RTF1: variants seen among roughly 807,000 people sequenced by gnomAD.
RTF1 encodes the protein RTF1 homolog, Paf1/RNA polymerase II complex component.
In RTF1, 10 loss-of-function variants were observed where a neutral mutation model predicts 95.7. The observed-to-expected ratio is 0.10, with a 90% confidence interval of 0.06 to 0.18. The LOEUF is 0.18. Ranked by LOEUF, RTF1 falls within the 10% of genes least tolerant of loss-of-function variation. The probability of loss-of-function intolerance (pLI) is 1.00; values close to 1 mark genes in which losing one functional copy is unlikely to be tolerated. For synonymous variants in RTF1, 305 were observed against 311.8 expected (o/e 0.98, Z 0.23); for missense variants, 458 against 875.6 (o/e 0.52, Z 6.02).
chr15:41,464,948 G>GTC, intron 5 of RTF1, 63 bp downstream of exon 5: 2 of 1,459,342 alleles, frequency 1.4e-6, no homozygotes, highest in South Asian at 2.9e-5. Context: ...GTGTGTGTGT[G>GTC]TGTGTGTGTG....
At chr15:41,460,698 A>AT (rs1293444600) in intron 4 of RTF1, among the ~76,000 whole-genome samples, 337 of 143,588 alleles carry the variant, frequency 2.3e-3, no homozygotes, top group African/African-American at 5.8e-3. Flanking sequence ...TTAAAAAAAA[A>AT]TTTTTTTTTT....
chr15:41,432,595 G>A (rs1266809150), intron 1 of RTF1, among the ~76,000 whole-genome samples: 1 of 151,870 alleles, frequency 6.6e-6, no homozygotes, highest in African/African-American at 2.4e-5. Context: ...GTCTACTATG[G>A]TTTGATTGAT....
intron 1 of RTF1, among the ~76,000 whole-genome samples, chr15:41,421,108 G>T (rs2056935281): frequency 6.6e-6 from 1 of 151,862 alleles, no homozygotes; most frequent in Non-Finnish European, 1.5e-5. Flanking sequence ...GAACACTTGA[G>T]CCCAGGTGTT....
intron 2 of RTF1, among the ~76,000 whole-genome samples, chr15:41,444,935 T>C (rs1308630161): frequency 6.6e-6 from 1 of 152,014 alleles, no homozygotes; most frequent in Non-Finnish European, 1.5e-5. Flanking sequence ...ATTTTATTTA[T>C]TTATTTATTT....
intron 6 of RTF1, among the ~76,000 whole-genome samples, chr15:41,467,437 G>A (rs1405554634): frequency 6.6e-6 from 1 of 152,098 alleles, no homozygotes; most frequent in East Asian, 1.9e-4. Flanking sequence ...TGTGGGGGCC[G>A]GTCGTGGTGC....
chr15:41,433,075 G>A (rs1025371327), intron 1 of RTF1, among the ~76,000 whole-genome samples: 2 of 151,566 alleles, frequency 1.3e-5, no homozygotes, highest in Non-Finnish European at 2.9e-5. Context: ...GTGAAAACCT[G>A]TCTCTACTAA....
rs576658268 is a variant in RTF1 at position 41,457,299 on chromosome 15, C to CG, written c.458-372dup. 2.5e-3 allele frequency among the ~76,000 whole-genome samples: 384 copies of CG among 152,176 alleles called. 2 individuals carry two copies. Among genetic ancestry groups the CG allele is most frequent in the South Asian group, 6.2e-3 (30 of 4,818 alleles). On this transcript the variant is annotated intron_variant, in intron 3 of 17. Transcript: ENST00000389629. Reference sequence around the variant, plus strand: ...GCCTGTAATCCCAGCACTGGGAGGCCGAGGTGGGCAGATCACCTGAGGTCA... The same window carrying CG: ...GCCTGTAATCCCAGCACTGGGAGGCCGGAGGTGGGCAGATCACCTGAGGTCA...
chr15:41,452,226 AG>A (rs539132648), intron 2 of RTF1, among the ~76,000 whole-genome samples: 16 of 152,256 alleles, frequency 1.1e-4, no homozygotes, highest in East Asian at 7.7e-4. Flanking sequence ...GCTTGAGCTC[AG>A]GAGTTTAAGA....
At chr15:41,443,917 A>C (rs1313702143) in intron 2 of RTF1, among the ~76,000 whole-genome samples, 1 of 151,460 alleles carries the variant, frequency 6.6e-6, no homozygotes, top group Non-Finnish European at 1.5e-5. Flanking sequence ...AATACAAAAA[A>C]ATTAGCCGGG....
At position 41,470,364 on chromosome 15, in the gene RTF1, C is replaced by A; in HGVS notation, c.997C>A (p.Arg333=). ...KSSEKSDRSS[R]TSSSDEEEEK... Reference sequence around the variant, plus strand: ...CAGTGAAAAGTCAGACCGCTCATCACGAACATCATCGTCTGATGAAGAAGA... The same window carrying A: ...CAGTGAAAAGTCAGACCGCTCATCAAGAACATCATCGTCTGATGAAGAAGA... Residue 333 remains arginine (R), a synonymous_variant, in exon 7 of 18, where the codon CGA becomes AGA. Coordinates refer to ENST00000389629, the MANE Select transcript of RTF1 (RefSeq NM_015138.5). 1 of 1,613,844 alleles carries A rather than the reference C, an allele frequency of 6.2e-7. No individual in the cohort carries two copies. The highest frequency in any genetic ancestry group is 8.5e-7 in the Non-Finnish European group (1 of 1,179,886).
At chr15:41,478,124 G>A (rs906628777) in intron 14 of RTF1, among the ~76,000 whole-genome samples, 4 of 151,394 alleles carry the variant, frequency 2.6e-5, no homozygotes, top group Admixed American at 6.6e-5. Context: ...AAATTAGCCG[G>A]GCATGGTGGC....
intron 14 of RTF1, 72 bp downstream of exon 14, chr15:41,477,587 CTAAGTT>C: frequency 7.1e-7 from 1 of 1,413,990 alleles, no homozygotes; most frequent in Non-Finnish European, 1.0e-6. Flanking sequence ...TACATCTTGC[CTAAGTT>C]TATTTTTTAA....
chr15:41,478,712 A>G, intron 15 of RTF1, 87 bp downstream of exon 15: 1 of 1,175,104 alleles, frequency 8.5e-7, no homozygotes, highest in Non-Finnish European at 1.3e-6. Flanking sequence ...ATGAAGTTAA[A>G]AATAATGTTT....
chr15:41,446,890 C>A (rs1276911353), intron 2 of RTF1, among the ~76,000 whole-genome samples: 1 of 151,838 alleles, frequency 6.6e-6, no homozygotes, highest in Non-Finnish European at 1.5e-5. Flanking sequence ...GCAACCTCCA[C>A]CTCCCAGGTT....
rs144538603 is a variant in RTF1, at chr15:41,471,274, C to T, written c.1128C>T (p.Pro376=). 5.6e-6 allele frequency: 9 copies of T among 1,613,942 alleles called. No homozygotes were observed. The African/African-American group carries it at 1.2e-4, about 22-fold the overall frequency. ...AGCTAGAACGCTGGTGTCACATGCCCTTCTTTGCTAAAACTGTCACAGGAT... is the reference window on the plus strand; with the variant it reads ...AGCTAGAACGCTGGTGTCACATGCCTTTCTTTGCTAAAACTGTCACAGGAT... The part of the protein sequence containing the change: ...RHKLERWCHM[P]FFAKTVTGCF... Residue 376 remains proline, a synonymous_variant, in exon 8 of 18, where the codon CCC becomes CCT. Coordinates refer to ENST00000389629, the MANE Select transcript of RTF1 (RefSeq NM_015138.5).
chr15:41,476,323 A>G lies in RTF1; in HGVS notation c.1483-123A>G, dbSNP rs1452394238. 1.2e-5 allele frequency: 9 copies of G among 735,658 alleles called. No individual in the cohort carries two copies. In the East Asian group the frequency reaches 2.4e-4, roughly 19 times the overall value. The allele number at this position is 735,658 out of a possible 1,614,324, so 45.6% of individuals were successfully genotyped here. ...CCGCTCTCTCTCTCTCTGGGGCATG[A>G]CACTGCTGTAGGAAGAGCAGCCCCT... is the stretch of plus-strand genomic sequence containing the variant. On this transcript the variant is annotated intron_variant, in intron 11 of 17. Coordinates refer to ENST00000389629, the MANE Select transcript of RTF1 (RefSeq NM_015138.5).
intron 2 of RTF1, among the ~76,000 whole-genome samples, chr15:41,444,878 A>G (rs1359115163): frequency 6.6e-6 from 1 of 151,746 alleles, no homozygotes; most frequent in African/African-American, 2.4e-5. Flanking sequence ...TAGTACTTGA[A>G]CTTAGTGACA....
chr15:41,478,461 G>C, intron 14 of RTF1, 87 bp from the exon 15 acceptor site: 1 of 908,358 alleles, frequency 1.1e-6, no homozygotes, highest in South Asian at 1.5e-5. Flanking sequence ...TTTCAGTCCC[G>C]TGCAAAGACT....
chr15:41,458,497 C>T (rs1206976661), intron 4 of RTF1, among the ~76,000 whole-genome samples: 1 of 152,052 alleles, frequency 6.6e-6, no homozygotes, highest in Admixed American at 6.6e-5. Flanking sequence ...AAGGGAATTA[C>T]ATACTTTGGG....
Sources: gnomAD v4.1 joint callset for allele counts (sites outside exome capture counted in the v4.1 genomes callset) on GRCh38, gnomAD v4.1.1 for gene constraint, MANE v1.5 for transcripts, NCBI Gene and HGNC (gene_info 2026-07-23, HGNC 2026-07-21) for gene names.